Variants in KCNJ3 observed in about 807,000 individuals in gnomAD.
KCNJ3 encodes the protein G protein-activated inward rectifier potassium channel 1.
A neutral mutation model predicts 39.2 loss-of-function variants in KCNJ3; 4 were observed. That is an observed-to-expected ratio of 0.10 (90% CI 0.05 to 0.23). The LOEUF (loss-of-function observed/expected upper bound fraction) is 0.23. Among genes scored for constraint, KCNJ3 ranks in the 10% least tolerant of loss-of-function variants. The probability of loss-of-function intolerance (pLI) is 1.00; values close to 1 mark genes in which losing one functional copy is unlikely to be tolerated. For missense variants in KCNJ3, 276 were observed against 634.9 expected (o/e 0.43, Z 6.08); for synonymous variants, 230 against 237.4 (o/e 0.97, Z 0.29).
rs1685408427 is a variant in KCNJ3 at position 154,729,010 on chromosome 2, T to C, written c.919+19191T>C. Among the ~76,000 whole-genome samples, 3 of 152,174 alleles carry C rather than the reference T, an allele frequency of 2.0e-5. No individual in the cohort carries two copies. The South Asian group carries it at 6.2e-4, about 32-fold the overall frequency. ...TTTGTCATCAAAATCATTAACATCA[T>C]AGGGTTCTAAGTTTAACTCAGCTTT... On this transcript the variant is annotated intron_variant, in intron 2 of 2. Transcript: ENST00000295101.
At chr2:154,798,190 A>G (rs6730969) in intron 2 of KCNJ3, among the ~76,000 whole-genome samples, 10,163 of 114,910 alleles carry the variant, frequency 0.088, 469 homozygotes, top group African/African-American at 0.15. Flanking sequence ...CGAACACCGC[A>G]CACACACACA....
chr2:154,819,081 G>T (rs1468165183), intron 2 of KCNJ3, among the ~76,000 whole-genome samples: 2 of 151,672 alleles, frequency 1.3e-5, no homozygotes, highest in Non-Finnish European at 2.9e-5. Flanking sequence ...AGGATTGCTG[G>T]AGCCTAAGAG....
In KCNJ3 at chr2:154,801,687, G is replaced by A. The variant is rs146232963; in HGVS notation, c.920-53040G>A. Among the ~76,000 whole-genome samples, 930 of 151,594 alleles carry A rather than the reference G, an allele frequency of 6.1e-3. 7 individuals carry two copies. The highest frequency in any genetic ancestry group is 0.02 in the Middle Eastern group (6 of 294). On this transcript the variant is annotated intron_variant, in intron 2 of 2. Transcript: ENST00000295101. ...TCTGTCACCCAGGCTGGATTTCAGT[G>A]GTGATCTGGGCTCACTGCAGCCTTT...
intron 2 of KCNJ3, among the ~76,000 whole-genome samples, chr2:154,838,299 T>C (rs961161252): frequency 6.6e-6 from 1 of 152,102 alleles, no homozygotes; most frequent in Non-Finnish European, 1.5e-5. Context: ...GAAAAGTCAA[T>C]AATTTATGAA....
intron 2 of KCNJ3, among the ~76,000 whole-genome samples, chr2:154,747,318 T>C (rs965124653): frequency 6.6e-6 from 1 of 151,938 alleles, no homozygotes. Flanking sequence ...AGTAGAAGAG[T>C]TGTAAGAGAT....
chr2:154,759,962 TAAGAC>T (rs1400376900), intron 2 of KCNJ3, among the ~76,000 whole-genome samples: 3 of 152,156 alleles, frequency 2.0e-5, no homozygotes, highest in African/African-American at 7.2e-5. Flanking sequence ...TTTCTTTAGA[TAAGAC>T]AAGGTTTTAC....
chr2:154,765,333 C>T (rs1205207794), intron 2 of KCNJ3, among the ~76,000 whole-genome samples: 1 of 152,174 alleles, frequency 6.6e-6, no homozygotes, highest in African/African-American at 2.4e-5. Context: ...GTCATTCTAT[C>T]CTATTCGTCT....
intron 2 of KCNJ3, among the ~76,000 whole-genome samples, chr2:154,779,488 TTA>T (rs981891410): frequency 1.4e-5 from 2 of 144,394 alleles, no homozygotes; most frequent in Non-Finnish European, 3.0e-5. Context: ...TATATATATG[TTA>T]TATATATTTT....
At chr2:154,753,708 A>G (rs886953483) in intron 2 of KCNJ3, among the ~76,000 whole-genome samples, 25 of 51,722 alleles carry the variant, frequency 4.8e-4, no homozygotes, top group Non-Finnish European at 2.2e-4. Context: ...GGTGTTGGGA[A>G]GGGCTGACTG....
chr2:154,751,548 A>G (rs1685845021), intron 2 of KCNJ3, among the ~76,000 whole-genome samples: 1 of 151,992 alleles, frequency 6.6e-6, no homozygotes, highest in Non-Finnish European at 1.5e-5. Flanking sequence ...CTTTCTGTGT[A>G]TTTATTACAT....
At chr2:154,832,598 A>G (rs1236215728) in intron 2 of KCNJ3, among the ~76,000 whole-genome samples, 1 of 152,202 alleles carries the variant, frequency 6.6e-6, no homozygotes, top group Non-Finnish European at 1.5e-5. Flanking sequence ...AGAAAATAAT[A>G]TGTATTGCTT....
chr2:154,788,864 G>GA (rs1209230523), intron 2 of KCNJ3, among the ~76,000 whole-genome samples: 6 of 151,150 alleles, frequency 4.0e-5, no homozygotes, highest in African/African-American at 1.2e-4. Context: ...CATGCTGCAT[G>GA]AAAAAAAATG....
At chr2:154,825,783 T>C (rs1574476461) in intron 2 of KCNJ3, among the ~76,000 whole-genome samples, 1 of 151,004 alleles carries the variant, frequency 6.6e-6, no homozygotes, top group Non-Finnish European at 1.5e-5. Context: ...CTCACTATGT[T>C]GCCCAGGCTG....
At chr2:154,825,237 A>G (rs948419628) in intron 2 of KCNJ3, among the ~76,000 whole-genome samples, 2 of 151,844 alleles carry the variant, frequency 1.3e-5, no homozygotes, top group African/African-American at 4.8e-5. Context: ...ACTCTTCTTG[A>G]CCTCATGCTC....
chr2:154,707,088 T>C (rs913624483), intron 1 of KCNJ3, among the ~76,000 whole-genome samples: 4 of 152,072 alleles, frequency 2.6e-5, no homozygotes, highest in Non-Finnish European at 2.9e-5. Context: ...TAAAGAAAGG[T>C]TAAATTATAT....
chr2:154,821,743 C>G (rs1349525528), intron 2 of KCNJ3, among the ~76,000 whole-genome samples: 2 of 142,424 alleles, frequency 1.4e-5, no homozygotes, highest in African/African-American at 5.1e-5. Flanking sequence ...CTCGTTCAAG[C>G]AATTTTCCTT....
intron 2 of KCNJ3, among the ~76,000 whole-genome samples, chr2:154,799,583 C>A (rs1574466880): frequency 6.6e-6 from 1 of 152,140 alleles, no homozygotes; most frequent in East Asian, 1.9e-4. Flanking sequence ...TTTCTTTTAC[C>A]TTGGACAGCC....
In KCNJ3 at chr2:154,828,503, T is replaced by C. The variant is rs1687307514; in HGVS notation, c.920-26224T>C. On this transcript the variant is annotated intron_variant, in intron 2 of 2. Coordinates refer to ENST00000295101, the MANE Select transcript of KCNJ3 (RefSeq NM_002239.4). The stretch of plus-strand genomic sequence containing the variant: ...GTGTTGGAATTTTTGGGTGGTGCTT[T>C]GTCGAGACTGGTCAAGAGATTTGAA... Among the ~76,000 whole-genome samples, 4 of 152,322 alleles carry C rather than the reference T, an allele frequency of 2.6e-5. No individual in the cohort carries two copies. In the South Asian group the frequency reaches 8.3e-4, roughly 32 times the overall value.
At chr2:154,745,164 G>A (rs1161845347) in intron 2 of KCNJ3, among the ~76,000 whole-genome samples, 1 of 151,824 alleles carries the variant, frequency 6.6e-6, no homozygotes, top group Non-Finnish European at 1.5e-5. Flanking sequence ...CTTGATACAT[G>A]CTATGTTGGT....
Sources: gnomAD v4.1 joint callset for allele counts (sites outside exome capture counted in the v4.1 genomes callset) on GRCh38, gnomAD v4.1.1 for gene constraint, MANE v1.5 for transcripts, NCBI Gene and HGNC (gene_info 2026-07-23, HGNC 2026-07-21) for gene names.